The following ATP9B variants were observed in gnomAD, a reference collection of about 807,000 sequenced individuals.
ATP9B encodes the protein probable phospholipid-transporting ATPase IIB.
In ATP9B, 110 loss-of-function variants were observed where a neutral mutation model predicts 146.1. The observed-to-expected ratio is 0.75, with a 90% CI of 0.65 to 0.88. ATP9B has a LOEUF of 0.88. Ranked by LOEUF, ATP9B falls within the 40% of genes least tolerant of loss-of-function variation. ATP9B has a pLI of 0.00. For missense variants in ATP9B, 1,499 were observed against 1,496.4 expected (o/e 1.00, Z -0.03); for synonymous variants, 604 against 569.7 (o/e 1.06, Z -0.86).
At chr18:79,132,024 G>T (rs1415765465) in intron 5 of ATP9B, among the ~76,000 whole-genome samples, 1 of 152,192 alleles carries the variant, frequency 6.6e-6, no homozygotes, top group Non-Finnish European at 1.5e-5. Flanking sequence ...AAAGTGTTTT[G>T]GGACTTGATA....
chr18:79,121,398 G>GA (rs1453598816), intron 4 of ATP9B, among the ~76,000 whole-genome samples: 1 of 152,168 alleles, frequency 6.6e-6, no homozygotes, highest in Non-Finnish European at 1.5e-5. Flanking sequence ...CTAGGGAGCA[G>GA]TGTTATAGCA....
chr18:79,241,664 A>G (rs1378415767), intron 11 of ATP9B, among the ~76,000 whole-genome samples: 2 of 152,248 alleles, frequency 1.3e-5, no homozygotes, highest in Admixed American at 1.3e-4. Context: ...CCTTTTCGTC[A>G]TTATGCAGCA....
chr18:79,250,678 T>C (rs1231872304), intron 11 of ATP9B, among the ~76,000 whole-genome samples: 3 of 152,218 alleles, frequency 2.0e-5, no homozygotes, highest in African/African-American at 7.2e-5. Flanking sequence ...TTGTGCTGCT[T>C]TTTAAATAGA....
chr18:79,317,931 C>G (rs1196881438), intron 15 of ATP9B, among the ~76,000 whole-genome samples: 1 of 152,186 alleles, frequency 6.6e-6, no homozygotes, highest in Non-Finnish European at 1.5e-5. Context: ...GAAAAAGCTG[C>G]CTGCATGGCA....
rs754962425 is a variant in ATP9B, at chr18:79,348,090, G to T, written c.2839-42G>T. ...GAGAGGCTTGGGGCCACAGGTGCTC[G>T]TGGAACTGACAGTTGTCTTCGTCTG... On this transcript the variant is annotated intron_variant, in intron 24 of 29. Coordinates refer to ENST00000426216, the MANE Select transcript of ATP9B (RefSeq NM_198531.5). 20 of 1,611,532 alleles carry T rather than the reference G, an allele frequency of 1.2e-5. No homozygotes were observed. The East Asian group carries it at 1.8e-4, about 14-fold the overall frequency.
chr18:79,273,763 G>A (rs1179887211), intron 12 of ATP9B, among the ~76,000 whole-genome samples: 1 of 152,192 alleles, frequency 6.6e-6, no homozygotes, highest in African/African-American at 2.4e-5. Context: ...ATTTTTCAGA[G>A]TCCAAGTTAC....
In ATP9B at chr18:79,377,460, C is replaced by G; in HGVS notation, c.*77C>G. The G allele has an allele frequency of 6.5e-7, 1 of 1,532,878 alleles. No homozygotes were observed. Among genetic ancestry groups the G allele is most frequent in the Non-Finnish European group, 8.8e-7 (1 of 1,134,308 alleles). 95.0% of individuals were successfully genotyped at this position (1,532,878 alleles called of 1,614,324 possible). On this transcript the variant is annotated 3_prime_UTR_variant, in exon 30 of 30. Coordinates refer to ENST00000426216, the MANE Select transcript of ATP9B (RefSeq NM_198531.5). ...CACCTTGTGCCCTTGCCAGTGAACG[C>G]AGGGTTTGCCATTGCTACCAAGCAA... is the stretch of plus-strand genomic sequence containing the variant.
At chr18:79,101,103 A>AGT (rs1255228415) in intron 2 of ATP9B, among the ~76,000 whole-genome samples, 6 of 150,740 alleles carry the variant, frequency 4.0e-5, no homozygotes, top group Non-Finnish European at 8.9e-5. Flanking sequence ...ACCTTGGCAC[A>AGT]GTGTGTGTGT....
intron 15 of ATP9B, among the ~76,000 whole-genome samples, chr18:79,313,913 C>T (rs534669494): frequency 1.3e-5 from 2 of 152,280 alleles, no homozygotes; most frequent in African/African-American, 2.4e-5. Flanking sequence ...TTAAAGAGCT[C>T]TATTGATGCA....
intron 10 of ATP9B, among the ~76,000 whole-genome samples, chr18:79,207,714 G>A (rs2095547358): frequency 6.6e-6 from 1 of 152,022 alleles, no homozygotes; most frequent in South Asian, 2.1e-4. Flanking sequence ...TGTCTTCTCG[G>A]TGCTGCCCAG....
In ATP9B at chr18:79,109,076, A is replaced by T. The variant is rs910942200; in HGVS notation, c.294-1279A>T. ...TAATCAGCCTTATGCTGTCATTTTC[A>T]TGCAAAACTTTTTGTTAACTTTTAA... is the stretch of plus-strand genomic sequence containing the variant. On this transcript the variant is annotated intron_variant, in intron 2 of 29. Transcript: ENST00000426216. 3.9e-5 allele frequency among the ~76,000 whole-genome samples: 6 copies of T among 152,158 alleles called. No individual in the cohort carries two copies. In the South Asian group the frequency reaches 6.2e-4, roughly 16 times the overall value.
intron 19 of ATP9B, among the ~76,000 whole-genome samples, chr18:79,338,987 A>G (rs1178485050): frequency 6.6e-6 from 1 of 152,236 alleles, no homozygotes. Context: ...GAAAATAGGC[A>G]TCTGTTTTCC....
At chr18:79,167,557 A>G (rs2094990484) in intron 7 of ATP9B, among the ~76,000 whole-genome samples, 1 of 152,036 alleles carries the variant, frequency 6.6e-6, no homozygotes, top group African/African-American at 2.4e-5. Context: ...CTCAGAGTAG[A>G]GGGGACCCGG....
chr18:79,256,285 A>G (rs1177222505), intron 12 of ATP9B, among the ~76,000 whole-genome samples: 2 of 137,794 alleles, frequency 1.5e-5, no homozygotes, highest in Non-Finnish European at 3.2e-5. Flanking sequence ...ATATATATAT[A>G]TACATACATA....
intron 15 of ATP9B, among the ~76,000 whole-genome samples, chr18:79,327,505 TCTCTCCATGGTTAGCGTG>T (rs1568696485): frequency 8.3e-5 from 10 of 120,404 alleles, no homozygotes; most frequent in South Asian, 2.7e-4. Flanking sequence ...GTTAGTGTGC[TCTCTCCATGGTTAGCGTG>T]CTCTCCGTGG....
At chr18:79,263,658 C>T (rs1476268501) in intron 12 of ATP9B, among the ~76,000 whole-genome samples, 1 of 152,236 alleles carries the variant, frequency 6.6e-6, no homozygotes. Flanking sequence ...TGCATGAGCA[C>T]ACTCCAGTGT....
At chr18:79,187,163 G>A (rs2095315283) in intron 8 of ATP9B, among the ~76,000 whole-genome samples, 1 of 152,226 alleles carries the variant, frequency 6.6e-6, no homozygotes, top group East Asian at 1.9e-4. Context: ...ACTGATTTGG[G>A]AAGCATCTTG....
At chr18:79,328,997 C>T in intron 15 of ATP9B, 144 bp from the exon 16 acceptor site, 1 of 720,238 alleles carries the variant, frequency 1.4e-6, no homozygotes, top group Non-Finnish European at 2.1e-6. Context: ...ATATACTTAG[C>T]CGTGAAAACA....
chr18:79,207,129 T>C, intron 10 of ATP9B, 117 bp downstream of exon 10: 2 of 950,798 alleles, frequency 2.1e-6, no homozygotes, highest in Non-Finnish European at 3.2e-6. Flanking sequence ...GGGACCTTGC[T>C]AAACGCAGAC....
Sources: allele counts gnomAD v4.1 joint callset (sites outside exome capture counted in the v4.1 genomes callset), GRCh38; gene constraint gnomAD v4.1.1; transcripts MANE v1.5; gene names NCBI Gene and HGNC (gene_info 2026-07-23, HGNC 2026-07-21).